Variants in EXOSC10 observed in about 807,000 individuals in gnomAD.
The protein encoded by EXOSC10 is exosome component 10, also known as exosome complex component 10.
Under a neutral mutation model 126.6 loss-of-function variants are expected in EXOSC10, and 94 were observed. That is an observed-to-expected ratio of 0.74 (90% CI 0.63 to 0.88). The LOEUF (loss-of-function observed/expected upper bound fraction) is 0.88. Ranked by LOEUF, EXOSC10 falls within the 40% of genes least tolerant of loss-of-function variation. The probability of loss-of-function intolerance (pLI) is 0.00; values close to 1 mark genes in which losing one functional copy is unlikely to be tolerated. For synonymous variants in EXOSC10, 395 were observed against 400.8 expected (o/e 0.99, Z 0.17); for missense variants, 1,041 against 1,100.5 (o/e 0.95, Z 0.77).
chr1:11,090,777 G>T, intron 5 of EXOSC10, 109 bp from the exon 6 acceptor site: 1 of 878,486 alleles, frequency 1.1e-6, no homozygotes, highest in Non-Finnish European at 1.7e-6. Flanking sequence ...TTTGAGACAG[G>T]GTCATGTTCT....
At chr1:11,075,145 G>A (rs1639737546) in intron 17 of EXOSC10, among the ~76,000 whole-genome samples, 1 of 152,100 alleles carries the variant, frequency 6.6e-6, no homozygotes, top group South Asian at 2.1e-4. Flanking sequence ...TGATTCTCCT[G>A]CCTCAGCCTC....
At chr1:11,091,719 C>T (rs891515578) in intron 3 of EXOSC10, 122 bp from the exon 4 acceptor site, 5 of 704,594 alleles carry the variant, frequency 7.1e-6, no homozygotes, top group Non-Finnish European at 9.6e-6. Flanking sequence ...AGTGCAGTGG[C>T]GCAATCTTGC....
chr1:11,074,183 G>T, intron 18 of EXOSC10, 48 bp downstream of exon 18: 1 of 1,486,288 alleles, frequency 6.7e-7, no homozygotes, highest in Non-Finnish European at 9.4e-7. Flanking sequence ...ATGTACAGCT[G>T]TAGGCATCTC....
intron 6 of EXOSC10, among the ~76,000 whole-genome samples, chr1:11,089,633 A>AAAG (rs1640693491): frequency 1.3e-5 from 2 of 148,790 alleles, no homozygotes; most frequent in African/African-American, 2.6e-5. Context: ...AAAAAAAAAA[A>AAAG]AAAGAAAGAA....
rs779189740 is a variant in EXOSC10 at position 11,066,727 on chromosome 1, T to C, written c.2649A>G (p.Pro883=). 7.4e-6 allele frequency: 12 copies of C among 1,614,234 alleles called. No individual in the cohort carries two copies. The highest frequency in any genetic ancestry group is 9.3e-6 in the Non-Finnish European group (11 of 1,180,020). The change falls in exon 25 of 25, where the codon CCA becomes CCG. Residue 883 remains proline (P), a synonymous_variant. Transcript: ENST00000376936. ...CACGTGTCTTCCAGGACTATCTCTG[T>C]GGCCAGTTGTACCTGAAGCCTCTGC... ...KSDRGFRYNW[P]QR
intron 17 of EXOSC10, 103 bp downstream of exon 17, chr1:11,076,739 A>G: frequency 2.2e-6 from 2 of 895,082 alleles, no homozygotes; most frequent in Non-Finnish European, 3.6e-6. Context: ...TCTCAGCATT[A>G]GTCTCCGAGT....
chr1:11,076,345 C>CAA (rs111647602), intron 17 of EXOSC10, among the ~76,000 whole-genome samples: 30 of 139,002 alleles, frequency 2.2e-4, no homozygotes, highest in East Asian at 1.0e-3. Context: ...AAGATTGTCT[C>CAA]AAAAAAAAAA....
chr1:11,090,027 T>C (rs1640715377), intron 6 of EXOSC10, among the ~76,000 whole-genome samples: 2 of 150,984 alleles, frequency 1.3e-5, no homozygotes, highest in Non-Finnish European at 3.0e-5. Flanking sequence ...AGATGGAGTC[T>C]TACTCTATCA....
At chr1:11,087,084 C>G (rs965558159) in intron 9 of EXOSC10, among the ~76,000 whole-genome samples, 3 of 152,190 alleles carry the variant, frequency 2.0e-5, no homozygotes, top group Non-Finnish European at 2.9e-5. Flanking sequence ...TGTCTTCAGT[C>G]ACAGCTTTCT....
At chr1:11,087,133 A>G (rs1640539727) in intron 9 of EXOSC10, among the ~76,000 whole-genome samples, 1 of 152,216 alleles carries the variant, frequency 6.6e-6, no homozygotes, top group Non-Finnish European at 1.5e-5. Flanking sequence ...TGAAACTGTT[A>G]TCAACCAATG....
At chr1:11,077,544 A>G (rs781489229) in intron 15 of EXOSC10, 57 bp downstream of exon 15, 2 of 1,609,028 alleles carry the variant, frequency 1.2e-6, no homozygotes, top group Admixed American at 1.7e-5. Flanking sequence ...GTGTACTTGC[A>G]CTGGCTGTGA....
chr1:11,098,865 T>C lies in EXOSC10; in HGVS notation c.112-709A>G, dbSNP rs140702080. ...ATCATGTGAAGGCCTAAAACGTCAT[T>C]GTGAGTTTTGTGAATAAACATTTCC... On this transcript the variant is annotated intron_variant, in intron 1 of 24. Coordinates refer to ENST00000376936, the MANE Select transcript of EXOSC10 (RefSeq NM_001001998.3). Among the ~76,000 whole-genome samples, 1,218 of 152,312 alleles carry C rather than the reference T, an allele frequency of 8.0e-3. 25 individuals carry two copies. The highest frequency in any genetic ancestry group is 0.028 in the African/African-American group (1,151 of 41,564).
chr1:11,082,429 C>T (rs2100985244), intron 10 of EXOSC10: 1 of 746,354 alleles, frequency 1.3e-6, no homozygotes. Context: ...CCAGCATGGG[C>T]AAATACTGGT....
At chr1:11,076,500 C>T (rs1288071162) in intron 17 of EXOSC10, among the ~76,000 whole-genome samples, 1 of 152,218 alleles carries the variant, frequency 6.6e-6, no homozygotes, top group African/African-American at 2.4e-5. Context: ...GTTTTTCCTC[C>T]ACCACCACTG....
chr1:11,081,175 A>T lies in EXOSC10; in HGVS notation c.1344T>A (p.Tyr448Ter). 6.2e-7 allele frequency: 1 copy of T among 1,614,124 alleles called. No individual in the cohort carries two copies. The highest frequency in any genetic ancestry group is 8.5e-7 in the Non-Finnish European group (1 of 1,180,034). ...RDDTHYLLYI[Y>*]DKMRLEMWER... is the part of the protein sequence containing the mutation. Reference sequence around the variant, plus strand: ...CCCACATCTCCAGCCTCATTTTGTCATAGATATATAGCAGGTAATGGGTGT... The same window carrying T: ...CCCACATCTCCAGCCTCATTTTGTCTTAGATATATAGCAGGTAATGGGTGT... The change falls in exon 11 of 25, where the codon TAT becomes TAA. Residue 448 changes from tyrosine to a stop codon, truncating the protein, a stop_gained. Coordinates refer to ENST00000376936, the MANE Select transcript of EXOSC10 (RefSeq NM_001001998.3). LOFTEE classifies it high-confidence loss of function.
At chr1:11,068,967 C>T (rs551256410) in intron 22 of EXOSC10, 264 of 532,526 alleles carry the variant, frequency 5.0e-4, no homozygotes, top group African/African-American at 4.2e-3. Flanking sequence ...AGCAGTGGCC[C>T]CCGCACATAA....
At chr1:11,072,781 G>GCTCT (rs1473444776) in intron 19 of EXOSC10, 7 of 152,372 alleles carry the variant, frequency 4.6e-5, no homozygotes, top group African/African-American at 1.7e-4. Flanking sequence ...TAACAAAAGA[G>GCTCT]CTCTGCTGCC....
At chr1:11,081,272 C>A in intron 10 of EXOSC10, 34 bp from the exon 11 acceptor site, 4 of 1,606,516 alleles carry the variant, frequency 2.5e-6, no homozygotes, top group Non-Finnish European at 3.4e-6. Flanking sequence ...TTACTGATTG[C>A]CCCCAAGGAC....
intron 2 of EXOSC10, among the ~76,000 whole-genome samples, chr1:11,097,544 T>C (rs1229452292): frequency 6.6e-6 from 1 of 151,730 alleles, no homozygotes; most frequent in African/African-American, 2.4e-5. Flanking sequence ...GGCTAACATG[T>C]TGAAACCCTG....
Sources: gnomAD v4.1 joint callset for allele counts (sites outside exome capture counted in the v4.1 genomes callset) on GRCh38, gnomAD v4.1.1 for gene constraint, MANE v1.5 for transcripts, NCBI Gene and HGNC (gene_info 2026-07-23, HGNC 2026-07-21) for gene names.